SGCZ: variants seen among roughly 807,000 people sequenced by gnomAD.
The protein encoded by SGCZ is zeta-sarcoglycan.
Under a neutral mutation model 41.3 loss-of-function variants are expected in SGCZ, and 40 were observed. The ratio of observed to expected loss-of-function variants is 0.97; its 90% CI spans 0.75 to 1.26. SGCZ has a LOEUF of 1.26. Among genes scored for constraint, SGCZ ranks in the 50% most tolerant of loss-of-function variants. The pLI is 0.00. For synonymous variants in SGCZ, 206 were observed against 137.5 expected (o/e 1.50, Z -3.49); for missense variants, 552 against 369.8 (o/e 1.49, Z -4.04).
intron 1 of SGCZ, among the ~76,000 whole-genome samples, chr8:14,630,467 T>C (rs542677915): frequency 7.9e-5 from 12 of 152,150 alleles, no homozygotes; most frequent in African/African-American, 2.9e-4. Flanking sequence ...AGTGTGGCGA[T>C]TCCTCAAGGA....
At chr8:14,189,040 G>A (rs1316832215) in intron 4 of SGCZ, among the ~76,000 whole-genome samples, 4 of 113,830 alleles carry the variant, frequency 3.5e-5, no homozygotes, top group African/African-American at 9.4e-5. Flanking sequence ...TGTATTTTTA[G>A]TAGAGATGGG....
At chr8:14,182,660 C>T (rs1158416701) in intron 4 of SGCZ, among the ~76,000 whole-genome samples, 2 of 152,012 alleles carry the variant, frequency 1.3e-5, no homozygotes, top group Non-Finnish European at 2.9e-5. Context: ...TGAAATATAG[C>T]ATAAAATTTG....
intron 1 of SGCZ, among the ~76,000 whole-genome samples, chr8:14,787,588 T>C (rs1203380784): frequency 6.6e-6 from 1 of 152,164 alleles, no homozygotes; most frequent in Non-Finnish European, 1.5e-5. Flanking sequence ...GGTTCACCCC[T>C]GTAATCCCAG....
rs574015359 is a variant in SGCZ, at chr8:14,644,941, G to A, written c.40-90015C>T. 1.4e-4 allele frequency among the ~76,000 whole-genome samples: 8 copies of A among 57,522 alleles called. No individual in the cohort carries two copies. The East Asian group carries it at 4.9e-3, about 35-fold the overall frequency. The allele number at this position is 57,522 out of a possible 152,430, so 37.7% of individuals were successfully genotyped here. A position where few individuals can be genotyped will look rare whatever the true frequency, so the allele number is the denominator to read the frequency against. ...ATATAAAATATAAAGCCTTTGTGTA[G>A]TTGCATAAATAAAAAAAAAAAGTCT... On this transcript the variant is annotated intron_variant, in intron 1 of 7. Transcript: ENST00000382080.
intron 1 of SGCZ, among the ~76,000 whole-genome samples, chr8:14,818,833 T>C (rs531426579): frequency 2.0e-3 from 297 of 152,090 alleles, no homozygotes; most frequent in African/African-American, 6.8e-3. Context: ...GAAGATAGAA[T>C]TTCTGATTTT....
chr8:15,152,474 A>G (rs1333379748), intron 1 of SGCZ, among the ~76,000 whole-genome samples: 1 of 152,218 alleles, frequency 6.6e-6, no homozygotes, highest in Non-Finnish European at 1.5e-5. Flanking sequence ...TAAAATATCC[A>G]TCTACTGAGT....
At chr8:14,748,832 T>A (rs989089309) in intron 1 of SGCZ, among the ~76,000 whole-genome samples, 2 of 152,170 alleles carry the variant, frequency 1.3e-5, no homozygotes, top group African/African-American at 4.8e-5. Context: ...AATCCTGACA[T>A]GTTTTATTAA....
intron 1 of SGCZ, among the ~76,000 whole-genome samples, chr8:14,961,663 G>C (rs185649861): frequency 6.6e-6 from 1 of 152,106 alleles, no homozygotes; most frequent in African/African-American, 2.4e-5. Flanking sequence ...TGCAGTTTCA[G>C]CCATCTACTA....
chr8:14,815,002 T>C (rs1478739291), intron 1 of SGCZ, among the ~76,000 whole-genome samples: 1 of 152,222 alleles, frequency 6.6e-6, no homozygotes, highest in Non-Finnish European at 1.5e-5. Flanking sequence ...CCTCCATTTT[T>C]TCTTGTTTCT....
chr8:14,633,839 A>C (rs1448434755), intron 1 of SGCZ, among the ~76,000 whole-genome samples: 1 of 151,918 alleles, frequency 6.6e-6, no homozygotes, highest in Non-Finnish European at 1.5e-5. Flanking sequence ...AGTGTTCTGA[A>C]CATTTATTTA....
At chr8:14,093,677 C>A (rs1390301819) in intron 7 of SGCZ, among the ~76,000 whole-genome samples, 1 of 152,032 alleles carries the variant, frequency 6.6e-6, no homozygotes, top group Non-Finnish European at 1.5e-5. Flanking sequence ...CATAAGACTA[C>A]TGCACACTAC....
intron 1 of SGCZ, among the ~76,000 whole-genome samples, chr8:14,702,183 G>C (rs1370713292): frequency 1.3e-5 from 2 of 151,950 alleles, no homozygotes; most frequent in Non-Finnish European, 2.9e-5. Flanking sequence ...ACAGTTGACA[G>C]TTTTCTTTCA....
intron 3 of SGCZ, among the ~76,000 whole-genome samples, chr8:14,283,049 C>T (rs1254530536): frequency 6.6e-6 from 1 of 151,154 alleles, no homozygotes; most frequent in East Asian, 2.0e-4. Context: ...CGGGGTTTCA[C>T]CGTGTTAGCC....
At chr8:14,142,583 A>G (rs1248245347) in intron 5 of SGCZ, among the ~76,000 whole-genome samples, 3 of 152,114 alleles carry the variant, frequency 2.0e-5, no homozygotes, top group Non-Finnish European at 2.9e-5. Flanking sequence ...TGGTTCTAGA[A>G]CTTTGCTTTC....
chr8:14,227,108 A>C (rs1025967883), intron 4 of SGCZ, among the ~76,000 whole-genome samples: 1 of 152,138 alleles, frequency 6.6e-6, no homozygotes, highest in Non-Finnish European at 1.5e-5. Context: ...AGGTGGAATC[A>C]TAAGGACCTC....
intron 1 of SGCZ, among the ~76,000 whole-genome samples, chr8:14,790,472 T>C (rs1800914313): frequency 6.6e-6 from 1 of 152,192 alleles, no homozygotes; most frequent in Non-Finnish European, 1.5e-5. Context: ...AAAATGTTTA[T>C]AATCTAACCC....
chr8:15,057,621 G>C (rs1012358303), intron 1 of SGCZ, among the ~76,000 whole-genome samples: 3 of 152,150 alleles, frequency 2.0e-5, no homozygotes, highest in Non-Finnish European at 2.9e-5. Context: ...TAGGCACAGA[G>C]TAAAATGAAG....
chr8:14,820,251 G>A (rs1297430806), intron 1 of SGCZ, among the ~76,000 whole-genome samples: 1 of 151,964 alleles, frequency 6.6e-6, no homozygotes, highest in Non-Finnish European at 1.5e-5. Context: ...CAGACTTTAA[G>A]TCAGAGACTG....
At chr8:15,108,428 A>T (rs943837717) in intron 1 of SGCZ, among the ~76,000 whole-genome samples, 20 of 152,222 alleles carry the variant, frequency 1.3e-4, no homozygotes, top group Admixed American at 1.3e-4. Context: ...CATTTGTTGC[A>T]TAGGAATTGG....
Sources: allele counts gnomAD v4.1 joint callset (sites outside exome capture counted in the v4.1 genomes callset), GRCh38; gene constraint gnomAD v4.1.1; transcripts MANE v1.5; gene names NCBI Gene and HGNC (gene_info 2026-07-23, HGNC 2026-07-21).